The following ATP6V0A1 variants were observed in gnomAD, a reference collection of about 807,000 sequenced individuals.
ATP6V0A1 encodes the protein V-type proton ATPase 116 kDa subunit a 1.
A neutral mutation model predicts 105.4 loss-of-function variants in ATP6V0A1; 43 were observed. The ratio of observed to expected loss-of-function variants is 0.41; its 90% confidence interval spans 0.32 to 0.53. The LOEUF is 0.53. Ranked by LOEUF, ATP6V0A1 falls within the 20% of genes least tolerant of loss-of-function variation. The pLI is 0.30. For synonymous variants in ATP6V0A1, 362 were observed against 372.8 expected (o/e 0.97, Z 0.33); for missense variants, 676 against 1,051.1 (o/e 0.64, Z 4.93).
At chr17:42,479,994 C>T (rs964419301) in intron 7 of ATP6V0A1, among the ~76,000 whole-genome samples, 5 of 152,172 alleles carry the variant, frequency 3.3e-5, no homozygotes, top group Non-Finnish European at 7.3e-5. Flanking sequence ...CACTCCTCAT[C>T]CCCTTTTATC....
At position 42,467,910 on chromosome 17, in the gene ATP6V0A1, C is replaced by A. The variant is rs116607912; in HGVS notation, c.197-100C>A. 586 of 477,354 alleles carry A rather than the reference C, an allele frequency of 1.2e-3. 4 individuals are homozygous for A. Among genetic ancestry groups the A allele is most frequent in the African/African-American group, 0.011 (539 of 48,194 alleles). 29.6% of individuals were successfully genotyped at this position (477,354 alleles called of 1,614,324 possible). On this transcript the variant is annotated intron_variant, in intron 3 of 21. Transcript: ENST00000343619. ...TATAAAGTATCTTTTTTGAATAAAA[C>A]TTTTTGTAACCAGGTCTTAGATGTT... is the stretch of plus-strand genomic sequence containing the variant.
intron 5 of ATP6V0A1, among the ~76,000 whole-genome samples, chr17:42,477,064 G>T (rs1179129026): frequency 6.6e-6 from 1 of 152,206 alleles, no homozygotes; most frequent in Non-Finnish European, 1.5e-5. Flanking sequence ...TGGAAACGTA[G>T]ATACCTGGAG....
intron 18 of ATP6V0A1, 88 bp downstream of exon 18, chr17:42,507,715 C>A (rs764062038): frequency 2.4e-5 from 26 of 1,103,796 alleles, no homozygotes; most frequent in Middle Eastern, 3.9e-4. Context: ...CCAGTCTTCT[C>A]CTTGAAAAAT....
chr17:42,494,243 A>G (rs2090941937), intron 11 of ATP6V0A1, 91 bp from the exon 12 acceptor site: 10 of 1,334,008 alleles, frequency 7.5e-6, no homozygotes, highest in Non-Finnish European at 1.0e-5. Context: ...CAAAAAAAAA[A>G]AGGGGGGTGG....
chr17:42,504,821 C>T (rs1313659234), intron 17 of ATP6V0A1, among the ~76,000 whole-genome samples: 1 of 152,220 alleles, frequency 6.6e-6, no homozygotes, highest in Non-Finnish European at 1.5e-5. Flanking sequence ...GCCCCCACTA[C>T]AGTCCTCCTC....
In ATP6V0A1 at chr17:42,513,981, G is replaced by C; in HGVS notation, c.2248+3G>C. The C allele has an allele frequency of 6.2e-7, 1 of 1,612,586 alleles. No individual in the cohort carries two copies. The highest frequency in any genetic ancestry group is 8.5e-7 in the Non-Finnish European group (1 of 1,178,632). On this transcript the variant is annotated splice_donor_region_variant and intron_variant, in intron 20 of 21. Coordinates refer to ENST00000343619, the MANE Select transcript of ATP6V0A1 (RefSeq NM_001130021.3). ...GGCCCTCAGCCTCGCTCATGCGCGT[G>C]AGTACCTCTCTCCGGGCTCCGGAAC...
At chr17:42,499,787 C>CA (rs773248675) in intron 15 of ATP6V0A1, among the ~76,000 whole-genome samples, 1,751 of 123,086 alleles carry the variant, frequency 0.014, 38 homozygotes, top group African/African-American at 0.046. Flanking sequence ...GACTCCATCT[C>CA]AAAAAAAAAA....
chr17:42,520,976 A>G (rs1193402247), intron 21 of ATP6V0A1, 51 bp from the exon 22 acceptor site: 21 of 1,486,338 alleles, frequency 1.4e-5, no homozygotes, highest in Non-Finnish European at 1.9e-5. Flanking sequence ...AGTCCTAAAA[A>G]GCTTCACAAA....
At position 42,477,765 on chromosome 17, in the gene ATP6V0A1, G is replaced by A. The variant is rs73297622; in HGVS notation, c.506+23G>A. ...TGGGTAAGTGCCATGTCAACTTTTC[G>A]GTATTCAGTGGGGCCATGTTCATCT... On this transcript the variant is annotated intron_variant, in intron 6 of 21. Coordinates refer to ENST00000343619, the MANE Select transcript of ATP6V0A1 (RefSeq NM_001130021.3). 1.7e-3 allele frequency: 2,710 copies of A among 1,566,942 alleles called. 59 individuals carry two copies. In the African/African-American group the frequency reaches 0.032, roughly 19 times the overall value.
At chr17:42,501,672 C>T in intron 17 of ATP6V0A1, among the ~76,000 whole-genome samples, 1 of 151,822 alleles carries the variant, frequency 6.6e-6, no homozygotes, top group Non-Finnish European at 1.5e-5. Context: ...CTTGGCCTCC[C>T]AAAGTGCTGG....
At chr17:42,469,312 G>A (rs996922331) in intron 4 of ATP6V0A1, among the ~76,000 whole-genome samples, 10 of 144,616 alleles carry the variant, frequency 6.9e-5, no homozygotes, top group Admixed American at 5.6e-4. Flanking sequence ...CAATGACTTA[G>A]AAAGGAAAGA....
At chr17:42,504,890 C>T (rs2091919141) in intron 17 of ATP6V0A1, among the ~76,000 whole-genome samples, 1 of 152,186 alleles carries the variant, frequency 6.6e-6, no homozygotes, top group African/African-American at 2.4e-5. Flanking sequence ...TGCCTGTCTT[C>T]TATTGATAGG....
At chr17:42,497,687 AAAAG>A (rs965805729) in intron 14 of ATP6V0A1, among the ~76,000 whole-genome samples, 1 of 151,454 alleles carries the variant, frequency 6.6e-6, no homozygotes, top group Non-Finnish European at 1.5e-5. Flanking sequence ...AAAAAAAAAA[AAAAG>A]AAATCATTGT....
intron 5 of ATP6V0A1, among the ~76,000 whole-genome samples, chr17:42,473,476 T>C (rs1197071990): frequency 6.6e-6 from 1 of 152,350 alleles, no homozygotes; most frequent in East Asian, 1.9e-4. Context: ...GACGCTTTCA[T>C]ATGCTCACAG....
intron 17 of ATP6V0A1, among the ~76,000 whole-genome samples, chr17:42,504,332 ACT>A (rs1376441022): frequency 6.6e-6 from 1 of 151,714 alleles, no homozygotes; most frequent in Non-Finnish European, 1.5e-5. Context: ...CCTTCCTGTA[ACT>A]CTCATTCCTG....
In ATP6V0A1 at chr17:42,499,025, G is replaced by C; in HGVS notation, c.1662G>C (p.Leu554=). Residue 554 remains leucine, a synonymous_variant, in exon 15 of 22, where the codon CTG becomes CTC. Transcript: ENST00000343619. The stretch of plus-strand genomic sequence containing the variant: ...TCCATATGCTGTTTGGAGTCAGCCT[G>C]AGTCTGTTCAACCATATGTGAGTTG... The part of the protein sequence containing the change: ...GIIHMLFGVS[L]SLFNHIYFKK... 1 of 1,607,600 alleles carries C rather than the reference G, an allele frequency of 6.2e-7. No individual in the cohort carries two copies. The highest frequency in any genetic ancestry group is 8.5e-7 in the Non-Finnish European group (1 of 1,174,240).
chr17:42,492,892 C>T lies in ATP6V0A1; in HGVS notation c.1175-1442C>T, dbSNP rs140987510. 2.0e-3 allele frequency among the ~76,000 whole-genome samples: 303 copies of T among 152,022 alleles called. 1 individual carries two copies. The highest frequency in any genetic ancestry group is 3.4e-3 in the Middle Eastern group (1 of 292). Reference sequence around the variant, plus strand: ...AATTAGCCAGGCCTGGTGGTGCATGCCTGTAATCCCAGCTACTCAGGAGGC... The same window carrying T: ...AATTAGCCAGGCCTGGTGGTGCATGTCTGTAATCCCAGCTACTCAGGAGGC... On this transcript the variant is annotated intron_variant, in intron 11 of 21. Transcript: ENST00000343619.
At chr17:42,508,013 A>G (rs554234027) in intron 18 of ATP6V0A1, among the ~76,000 whole-genome samples, 134 of 152,266 alleles carry the variant, frequency 8.8e-4, no homozygotes, top group African/African-American at 2.8e-3. Flanking sequence ...GATCGTTCCA[A>G]TTACATTACT....
chr17:42,519,640 A>G (rs767366409), intron 21 of ATP6V0A1: 2 of 152,142 alleles, frequency 1.3e-5, no homozygotes, highest in Admixed American at 6.6e-5. Flanking sequence ...AACTTGGAGA[A>G]GTAGTTTTGG....
Sources: allele counts gnomAD v4.1 joint callset (sites outside exome capture counted in the v4.1 genomes callset), GRCh38; gene constraint gnomAD v4.1.1; transcripts MANE v1.5; gene names NCBI Gene and HGNC (gene_info 2026-07-23, HGNC 2026-07-21).